RASA1: variants seen among roughly 807,000 people sequenced by gnomAD.
The protein encoded by RASA1 is ras GTPase-activating protein 1.
RASA1 carries 25 observed loss-of-function variants against 132.2 expected under a neutral mutation model. The ratio of observed to expected loss-of-function variants is 0.19; its 90% CI spans 0.14 to 0.26. RASA1 has a LOEUF of 0.26. Ranked by LOEUF, RASA1 falls within the 10% of genes least tolerant of loss-of-function variation. The probability of loss-of-function intolerance (pLI) is 1.00; values close to 1 mark genes in which losing one functional copy is unlikely to be tolerated. For synonymous variants in RASA1, 477 were observed against 449.9 expected, an observed-to-expected ratio of 1.06 and a Z score of -0.76; for missense variants, 964 against 1,299.2, an observed-to-expected ratio of 0.74 and a Z score of 3.97.
In RASA1 at chr5:87,376,573, A is replaced by G. The variant is rs1289712166; in HGVS notation, c.2184+8A>G. 7 of 1,610,258 alleles carry G rather than the reference A, an allele frequency of 4.3e-6. No individual in the cohort carries two copies. Among genetic ancestry groups the G allele is most frequent in the East Asian group, 4.5e-5 (2 of 44,748 alleles). On this transcript the variant is annotated splice_region_variant and intron_variant, in intron 16 of 24. Coordinates refer to ENST00000274376, the MANE Select transcript of RASA1 (RefSeq NM_002890.3). ...TACAGTGAATTTAAAGAGGTATTAA[A>G]TTATTTATCAGTCTTGTTTTTGTTG...
At chr5:87,317,816 T>C (rs997369985) in intron 1 of RASA1, among the ~76,000 whole-genome samples, 12 of 151,978 alleles carry the variant, frequency 7.9e-5, no homozygotes, top group African/African-American at 2.9e-4. Flanking sequence ...TTGTACATTT[T>C]GTAGAGACAG....
intron 24 of RASA1, 39 bp downstream of exon 24, chr5:87,389,566 A>G: frequency 1.2e-6 from 2 of 1,607,666 alleles, no homozygotes; most frequent in Middle Eastern, 1.7e-4. Context: ...TGATGTTTCA[A>G]AGATAACACT....
intron 1 of RASA1, among the ~76,000 whole-genome samples, chr5:87,295,684 C>CT (rs1045355631): frequency 2.6e-5 from 4 of 151,260 alleles, no homozygotes; most frequent in East Asian, 3.9e-4. Flanking sequence ...ACTGTTTGTG[C>CT]TTTTTTTTGT....
intron 1 of RASA1, among the ~76,000 whole-genome samples, chr5:87,286,459 A>G (rs1754569898): frequency 6.6e-6 from 1 of 152,002 alleles, no homozygotes; most frequent in Non-Finnish European, 1.5e-5. Flanking sequence ...TTCCTGATAC[A>G]TTATGACACA....
chr5:87,346,867 T>G, intron 7 of RASA1, 143 bp downstream of exon 7: 1 of 550,506 alleles, frequency 1.8e-6, no homozygotes, highest in Non-Finnish European at 3.2e-6. Context: ...AAGAAGCTGG[T>G]GTTTTTATTT....
chr5:87,287,785 CA>C lies in RASA1; in HGVS notation c.539+18796del, dbSNP rs1754714375. Among the ~76,000 whole-genome samples, 16 of 87,194 alleles carry C rather than the reference CA, an allele frequency of 1.8e-4. 1 individual carries two copies. The highest frequency in any genetic ancestry group is 8.0e-4 in the South Asian group (2 of 2,514). 57.2% of individuals were successfully genotyped at this position (87,194 alleles called of 152,430 possible). ...ACGCCATAGATATACCATATATGTA[CA>C]CGCCATATATATACACACCATATAT... On this transcript the variant is annotated intron_variant, in intron 1 of 24. Coordinates refer to ENST00000274376, the MANE Select transcript of RASA1 (RefSeq NM_002890.3).
intron 1 of RASA1, among the ~76,000 whole-genome samples, chr5:87,329,281 C>CAA (rs571157213): frequency 0.036 from 4,343 of 119,114 alleles, 136 homozygotes; most frequent in African/African-American, 0.083. Context: ...TCTGTCTCTC[C>CAA]AAAAAAAAAA....
chr5:87,291,860 ACCACTTATAAAT>A (rs1754923079), intron 1 of RASA1, among the ~76,000 whole-genome samples: 1 of 152,128 alleles, frequency 6.6e-6, no homozygotes, highest in South Asian at 2.1e-4. Flanking sequence ...AGCCAGTTAA[ACCACTTATAAAT>A]TACCCAGGCT....
intron 1 of RASA1, among the ~76,000 whole-genome samples, chr5:87,279,120 A>G (rs1754200644): frequency 6.6e-6 from 1 of 152,054 alleles, no homozygotes; most frequent in South Asian, 2.1e-4. Flanking sequence ...GTTGCACACC[A>G]TAGTCCCAGC....
intron 1 of RASA1, among the ~76,000 whole-genome samples, chr5:87,324,704 AC>A (rs1225456005): frequency 6.6e-6 from 1 of 152,132 alleles, no homozygotes; most frequent in Non-Finnish European, 1.5e-5. Flanking sequence ...ATACAAATAT[AC>A]CCAAGAATAC....
chr5:87,374,757 G>A, intron 14 of RASA1, 83 bp from the exon 15 acceptor site: 1 of 1,560,012 alleles, frequency 6.4e-7, no homozygotes, highest in South Asian at 1.2e-5. Flanking sequence ...GAAATAGGGG[G>A]TTTATTTGAT....
intron 7 of RASA1, among the ~76,000 whole-genome samples, chr5:87,348,038 A>C (rs1392193865): frequency 2.6e-5 from 4 of 152,028 alleles, no homozygotes; most frequent in Non-Finnish European, 4.4e-5. Flanking sequence ...TTGCATGCAC[A>C]GTCTTGCATG....
Position 87,360,331 on chromosome 5 carries a change from G to A in RASA1, c.1333-2220G>A, listed in dbSNP as rs183458143. On this transcript the variant is annotated intron_variant, in intron 9 of 24. Coordinates refer to ENST00000274376, the MANE Select transcript of RASA1 (RefSeq NM_002890.3). ...AGTAGAGACAGGGTTTCACCATGTC[G>A]GCCAGGCTGGGCGAACTCCTGACTT... Among the ~76,000 whole-genome samples the A allele has an allele frequency of 2.2e-3, 338 of 152,012 alleles. 1 individual carries two copies. The highest frequency in any genetic ancestry group is 7.9e-3 in the African/African-American group (327 of 41,454).
intron 11 of RASA1, among the ~76,000 whole-genome samples, chr5:87,369,258 G>A (rs1411770518): frequency 1.3e-5 from 2 of 152,082 alleles, no homozygotes; most frequent in Admixed American, 1.3e-4. Context: ...CATATCAAAT[G>A]ATTTGAAATA....
At chr5:87,375,123 C>T (rs1203497565) in intron 15 of RASA1, among the ~76,000 whole-genome samples, 3 of 152,136 alleles carry the variant, frequency 2.0e-5, no homozygotes, top group African/African-American at 7.2e-5. Context: ...TTCAACTGTA[C>T]ACACTGTTAA....
chr5:87,289,317 G>C (rs551622297), intron 1 of RASA1, among the ~76,000 whole-genome samples: 29 of 152,216 alleles, frequency 1.9e-4, no homozygotes, highest in African/African-American at 4.1e-4. Context: ...ACTTGGTTAA[G>C]GTGGGTTGCA....
At chr5:87,381,818 G>A (rs1432166748) in intron 20 of RASA1, among the ~76,000 whole-genome samples, 2 of 152,138 alleles carry the variant, frequency 1.3e-5, no homozygotes, top group African/African-American at 4.8e-5. Context: ...AAACTGTTTC[G>A]TGCAAGAGGG....
intron 1 of RASA1, among the ~76,000 whole-genome samples, chr5:87,286,373 C>T (rs1231480015): frequency 3.3e-5 from 5 of 151,842 alleles, no homozygotes; most frequent in Admixed American, 1.3e-4. Context: ...TTACTGATCT[C>T]TTCCTCAGCC....
intron 1 of RASA1, among the ~76,000 whole-genome samples, chr5:87,326,164 G>A (rs559502073): frequency 3.3e-5 from 5 of 152,160 alleles, no homozygotes; most frequent in South Asian, 4.1e-4. Flanking sequence ...TAGAGATGGC[G>A]TTTTGCCATA....
Sources: allele counts gnomAD v4.1 joint callset (sites outside exome capture counted in the v4.1 genomes callset), GRCh38; gene constraint gnomAD v4.1.1; transcripts MANE v1.5; gene names NCBI Gene and HGNC (gene_info 2026-07-23, HGNC 2026-07-21).